HK1: variants seen among roughly 807,000 people sequenced by gnomAD.
HK1 encodes the protein hexokinase-1.
In HK1, 28 loss-of-function variants were observed where a neutral mutation model predicts 91.6. The observed-to-expected ratio is 0.31, with a 90% CI of 0.23 to 0.42. The LOEUF is 0.42. HK1 is among the 10% of genes least tolerant of loss of function. The probability of loss-of-function intolerance (pLI) is 1.00; values close to 1 mark genes in which losing one functional copy is unlikely to be tolerated. For missense variants in HK1, 770 were observed against 1,219.8 expected (o/e 0.63, Z 5.49); for synonymous variants, 430 against 468.1 (o/e 0.92, Z 1.05).
intron 2 of HK1, among the ~76,000 whole-genome samples, chr10:69,354,041 G>GT (rs1256473423): frequency 1.3e-5 from 2 of 152,220 alleles, no homozygotes; most frequent in Non-Finnish European, 2.9e-5. Context: ...CAGGTAGCTA[G>GT]TGAAATAATT....
intron 7 of HK1, among the ~76,000 whole-genome samples, chr10:69,370,840 G>T (rs1437987246): frequency 1.3e-5 from 2 of 152,304 alleles, no homozygotes; most frequent in African/African-American, 4.8e-5. Context: ...TCAGGTTAGA[G>T]TGGGTATTGC....
intron 5 of HK1, among the ~76,000 whole-genome samples, chr10:69,309,981 C>T (rs537761691): frequency 7.0e-4 from 104 of 149,392 alleles, no homozygotes; most frequent in Non-Finnish European, 1.1e-3. Context: ...ACCCGGGAGG[C>T]GGAGGTCACA....
At chr10:69,365,554 A>G (rs115699797) in intron 4 of HK1, among the ~76,000 whole-genome samples, 83 of 152,338 alleles carry the variant, frequency 5.4e-4, no homozygotes, top group African/African-American at 1.9e-3. Context: ...CACCACAAAC[A>G]CAAACCACCC....
chr10:69,338,176 A>G lies in HK1; in HGVS notation c.64-5651A>G, dbSNP rs1848094392. The G allele has an allele frequency of 1.4e-5, 13 of 961,596 alleles. No individual in the cohort carries two copies. In the South Asian group the frequency reaches 2.9e-4, roughly 21 times the overall value. 59.6% of individuals were successfully genotyped at this position (961,596 alleles called of 1,614,324 possible). On this transcript the variant is annotated intron_variant, in intron 1 of 17. Transcript: ENST00000359426. ...CCTTGGTCCACAAGAAGGAGAATCC[A>G]GGACAAGTGTCTGGAAAGTGTTTGA...
intron 2 of HK1, among the ~76,000 whole-genome samples, chr10:69,352,917 C>T (rs1349475674): frequency 6.6e-6 from 1 of 152,088 alleles, no homozygotes; most frequent in Admixed American, 6.6e-5. Flanking sequence ...AAAAAACAAC[C>T]AACCAATATG....
chr10:69,298,039 C>T (rs1177138976), intron 4 of HK1, among the ~76,000 whole-genome samples: 6 of 151,062 alleles, frequency 4.0e-5, no homozygotes, highest in East Asian at 3.9e-4. Flanking sequence ...GGTGAAACCC[C>T]GTCTCTACTA....
At chr10:69,344,207 C>T (rs967232255) in intron 2 of HK1, among the ~76,000 whole-genome samples, 4 of 152,184 alleles carry the variant, frequency 2.6e-5, no homozygotes, top group Non-Finnish European at 4.4e-5. Flanking sequence ...TCTACTGAGA[C>T]CTTATGCCAG....
At chr10:69,367,348 A>G (rs1320040602) in intron 4 of HK1, among the ~76,000 whole-genome samples, 1 of 152,126 alleles carries the variant, frequency 6.6e-6, no homozygotes, top group African/African-American at 2.4e-5. Context: ...CCACTTCTAG[A>G]TCAGCTCCCT....
intron 12 of HK1, 26 bp from the exon 13 acceptor site, chr10:69,386,297 C>T (rs1308017203): frequency 6.3e-7 from 1 of 1,591,150 alleles, no homozygotes; most frequent in East Asian, 2.2e-5. Flanking sequence ...TTACACAGGA[C>T]TCTCCTGGTG....
At chr10:69,361,174 A>C (rs1650055063) in intron 3 of HK1, among the ~76,000 whole-genome samples, 1 of 152,164 alleles carries the variant, frequency 6.6e-6, no homozygotes, top group African/African-American at 2.4e-5. Flanking sequence ...AGCCCTTCAG[A>C]TTATGTCACA....
At chr10:69,300,594 C>A in intron 4 of HK1, 1 of 703,042 alleles carries the variant, frequency 1.4e-6, no homozygotes, top group Non-Finnish European at 2.6e-6. Context: ...AAATCTGGGG[C>A]TGATCATGCC....
intron 2 of HK1, among the ~76,000 whole-genome samples, chr10:69,348,805 CAAA>C (rs772998927): frequency 7.5e-6 from 1 of 133,210 alleles, no homozygotes. Context: ...AACTCTGTCT[CAAA>C]AAAAAAAAAA....
intron 2 of HK1, among the ~76,000 whole-genome samples, chr10:69,283,898 C>T (rs1373106518): frequency 1.3e-5 from 2 of 151,840 alleles, no homozygotes; most frequent in Non-Finnish European, 2.9e-5. Context: ...TTTAAGCCCA[C>T]TTATTTTACA....
At chr10:69,282,036 G>A (rs1463299141) in intron 1 of HK1, among the ~76,000 whole-genome samples, 1 of 152,254 alleles carries the variant, frequency 6.6e-6, no homozygotes, top group South Asian at 2.1e-4. Flanking sequence ...ATAAAACAAA[G>A]AATTAAGGCT....
intron 1 of HK1, among the ~76,000 whole-genome samples, chr10:69,328,650 A>G (rs1399551196): frequency 6.6e-6 from 1 of 152,144 alleles, no homozygotes; most frequent in Non-Finnish European, 1.5e-5. Flanking sequence ...ATTGAGTTAT[A>G]ATTCACCTAC....
upstream of HK1, among the ~76,000 whole-genome samples, chr10:69,310,786 GT>G (rs1293584476): frequency 6.6e-6 from 1 of 152,170 alleles, no homozygotes; most frequent in Non-Finnish European, 1.5e-5. Context: ...GCTGGGCCTG[GT>G]GGCTCATGCC....
upstream of HK1, among the ~76,000 whole-genome samples, chr10:69,315,376 T>A (rs183026883): frequency 1.9e-3 from 293 of 152,238 alleles, 1 homozygote; most frequent in African/African-American, 6.8e-3. Flanking sequence ...TATAAGCAGG[T>A]GCGTTTCCTG....
chr10:69,323,845 A>G (rs1290049889), intron 1 of HK1, among the ~76,000 whole-genome samples: 2 of 152,072 alleles, frequency 1.3e-5, no homozygotes, highest in African/African-American at 4.8e-5. Context: ...CCCTTACAAG[A>G]CTGATTTGGC....
intron 7 of HK1, among the ~76,000 whole-genome samples, chr10:69,371,663 G>C (rs982907263): frequency 1.3e-5 from 2 of 152,166 alleles, no homozygotes; most frequent in African/African-American, 4.8e-5. Flanking sequence ...CCTTATCCTT[G>C]GTTCCCAGTT....
Sources: allele counts gnomAD v4.1 joint callset (sites outside exome capture counted in the v4.1 genomes callset), GRCh38; gene constraint gnomAD v4.1.1; transcripts MANE v1.5; gene names NCBI Gene and HGNC (gene_info 2026-07-23, HGNC 2026-07-21).